Variants in MAPRE2 observed in about 807,000 individuals in gnomAD.
The protein encoded by MAPRE2 is microtubule-associated protein RP/EB family member 2.
A neutral mutation model predicts 43.2 loss-of-function variants in MAPRE2; 13 were observed. The ratio of observed to expected loss-of-function variants is 0.30; its 90% CI spans 0.20 to 0.48. The LOEUF is 0.48. Among genes scored for constraint, MAPRE2 ranks in the 20% least tolerant of loss-of-function variants. MAPRE2 has a pLI of 0.99. For missense variants in MAPRE2, 161 were observed against 400.2 expected, an observed-to-expected ratio of 0.40 and a Z score of 5.10; for synonymous variants, 135 against 148.8, an observed-to-expected ratio of 0.91 and a Z score of 0.68.
chr18:35,041,704 G>A (rs906093131), intron 1 of MAPRE2, 43 bp downstream of exon 1: 1 of 1,613,528 alleles, frequency 6.2e-7, no homozygotes, highest in South Asian at 1.1e-5. Flanking sequence ...ACCGCCGTGA[G>A]GGCGCGCGGA....
At chr18:35,133,220 A>G (rs1237214641) in intron 6 of MAPRE2, among the ~76,000 whole-genome samples, 1 of 152,174 alleles carries the variant, frequency 6.6e-6, no homozygotes, top group Non-Finnish European at 1.5e-5. Context: ...CCTAAACTGT[A>G]AGGCACTGTA....
chr18:35,082,626 G>A (rs1024536444), intron 2 of MAPRE2, among the ~76,000 whole-genome samples: 1 of 151,956 alleles, frequency 6.6e-6, no homozygotes, highest in African/African-American at 2.4e-5. Flanking sequence ...AACAAAATGT[G>A]AGCTCTCTCT....
At chr18:35,097,165 TGTTG>T (rs1361653161) in intron 2 of MAPRE2, among the ~76,000 whole-genome samples, 4 of 152,226 alleles carry the variant, frequency 2.6e-5, no homozygotes, top group Non-Finnish European at 4.4e-5. Context: ...TGTGAGGTTC[TGTTG>T]GTTGGTTGTG....
intron 1 of MAPRE2, among the ~76,000 whole-genome samples, chr18:35,059,897 GT>G (rs1906434150): frequency 1.3e-5 from 2 of 152,172 alleles, no homozygotes; most frequent in South Asian, 4.1e-4. Flanking sequence ...AGACACCGAA[GT>G]ACCTGAGAAG....
chr18:35,136,200 T>TA (rs1230427377), intron 6 of MAPRE2, among the ~76,000 whole-genome samples: 1 of 152,190 alleles, frequency 6.6e-6, no homozygotes, highest in African/African-American at 2.4e-5. Flanking sequence ...TTTCCCCTGA[T>TA]ACGTAACTTG....
chr18:35,041,311 T>A, upstream of MAPRE2: 1 of 1,417,246 alleles, frequency 7.1e-7, no homozygotes, highest in Non-Finnish European at 9.2e-7. Context: ...CGGGTTGCCA[T>A]GGCAACAGGC....
intron 4 of MAPRE2, among the ~76,000 whole-genome samples, chr18:35,116,666 C>T (rs1238437610): frequency 6.6e-6 from 1 of 152,186 alleles, no homozygotes; most frequent in Non-Finnish European, 1.5e-5. Context: ...AACAAAGATG[C>T]TTACTTCGTG....
chr18:35,131,948 T>C, intron 5 of MAPRE2, 84 bp from the exon 6 acceptor site: 3 of 1,305,380 alleles, frequency 2.3e-6, no homozygotes, highest in South Asian at 1.3e-5. Flanking sequence ...TCTCTCTCTT[T>C]TGGGTTTTAT....
intron 2 of MAPRE2, among the ~76,000 whole-genome samples, chr18:35,027,864 C>T (rs980200392): frequency 1.3e-4 from 20 of 152,146 alleles, no homozygotes; most frequent in African/African-American, 3.6e-4. Context: ...CAGGATGCTT[C>T]CTCAGTCACA....
chr18:35,028,112 A>C (rs2150590817), intron 2 of MAPRE2, among the ~76,000 whole-genome samples: 1 of 152,362 alleles, frequency 6.6e-6, no homozygotes, highest in South Asian at 2.1e-4. Context: ...TGTAAGGTCT[A>C]GGTCAAGAAC....
chr18:35,059,930 C>T (rs1185776271), intron 1 of MAPRE2, among the ~76,000 whole-genome samples: 2 of 152,184 alleles, frequency 1.3e-5, no homozygotes, highest in Non-Finnish European at 1.5e-5. Flanking sequence ...ACCAAGAGTA[C>T]AAGAGAGCTC....
Position 35,140,617 on chromosome 18 carries a change from G to T in MAPRE2, c.*248G>T. 1 of 470,794 alleles carries T rather than the reference G, an allele frequency of 2.1e-6. No homozygotes were observed. The highest frequency in any genetic ancestry group is 3.2e-5 in the East Asian group (1 of 31,504). 29.2% of individuals were successfully genotyped at this position (470,794 alleles called of 1,614,324 possible). A position where few individuals can be genotyped will look rare whatever the true frequency, so the allele number is the denominator to read the frequency against. ...TCACATACATCCAACTTCACCACTT[G>T]GCTGCTTGAGATTGGTTCTGCTCTT... On this transcript the variant is annotated 3_prime_UTR_variant, in exon 7 of 7. Coordinates refer to ENST00000300249, the MANE Select transcript of MAPRE2 (RefSeq NM_014268.4).
At chr18:35,055,541 G>GTGTGTGTT (rs1282124167) in intron 1 of MAPRE2, among the ~76,000 whole-genome samples, 2 of 146,292 alleles carry the variant, frequency 1.4e-5, no homozygotes, top group Admixed American at 6.7e-5. Flanking sequence ...AGTTCTCTGT[G>GTGTGTGTT]TGTGTGTGTG....
chr18:35,124,627 G>A (rs1569012990), intron 4 of MAPRE2, among the ~76,000 whole-genome samples: 1 of 152,208 alleles, frequency 6.6e-6, no homozygotes, highest in South Asian at 2.1e-4. Context: ...TAACAAATAT[G>A]TGTGTAAGGG....
intron 3 of MAPRE2, among the ~76,000 whole-genome samples, chr18:35,100,958 GA>G (rs1232792532): frequency 1.3e-5 from 2 of 152,318 alleles, no homozygotes; most frequent in African/African-American, 4.8e-5. Context: ...AGAATTGCTT[GA>G]ACCCAGGAGG....
rs1432058742 is a variant in MAPRE2 at position 35,126,966 on chromosome 18, C to T, written c.629C>T (p.Pro210Leu). The T allele has an allele frequency of 6.2e-7, 1 of 1,613,708 alleles. No individual in the cohort carries two copies. The highest frequency in any genetic ancestry group is 1.3e-5 in the African/African-American group (1 of 74,858). Residue 210 changes from proline (P) to leucine (L), a missense_variant, in exon 5 of 7, where the codon CCA (proline) becomes CTA (leucine). Pro to Leu is a moderately conservative substitution (Grantham distance 98). Around this residue, in one of 2 missense-constraint regions of MAPRE2, gnomAD observed 96 missense variants for 153.3 expected, o/e 0.63. Coordinates refer to ENST00000300249, the MANE Select transcript of MAPRE2 (RefSeq NM_014268.4). ...CTTTCAGGTGCAGCTAAATCAAGTC[C>T]AGCAGCTAAACCAGGATCCACACCT... ...SPTAGAAKSS[P>L]AAKPGSTPSR...
chr18:34,986,441 A>G (rs1044384414), intron 1 of MAPRE2, among the ~76,000 whole-genome samples: 17 of 152,170 alleles, frequency 1.1e-4, no homozygotes, highest in African/African-American at 4.1e-4. Flanking sequence ...GAGACCTTAC[A>G]AGAAAGACCT....
chr18:34,998,772 ATTTTTTTTTTTTTTTTT>A (rs67933808), intron 1 of MAPRE2, among the ~76,000 whole-genome samples: 2 of 93,730 alleles, frequency 2.1e-5, no homozygotes, highest in Admixed American at 2.4e-4. Context: ...CGAAGTTGCA[ATTTTTTTTTTTTTTTTT>A]TTTTTTTTTT....
chr18:35,048,263 C>A (rs926514508), intron 1 of MAPRE2, among the ~76,000 whole-genome samples: 2 of 152,096 alleles, frequency 1.3e-5, no homozygotes, highest in African/African-American at 4.8e-5. Flanking sequence ...GTCATGAGGA[C>A]AGCATCGAGC....
Sources: gnomAD v4.1 joint callset for allele counts (sites outside exome capture counted in the v4.1 genomes callset) on GRCh38, gnomAD v4.1.1 for gene constraint, gnomAD v4.1.1 regional missense constraint, MANE v1.5 for transcripts, NCBI Gene and HGNC (gene_info 2026-07-23, HGNC 2026-07-21) for gene names.